Variants in ABHD6 observed in about 807,000 individuals in gnomAD.
ABHD6 encodes the protein monoacylglycerol lipase ABHD6.
A neutral mutation model predicts 38.8 loss-of-function variants in ABHD6; 33 were observed. The observed-to-expected ratio is 0.85, with a 90% CI of 0.64 to 1.14. ABHD6 has a LOEUF of 1.14. ABHD6 is among the 50% of genes most tolerant of loss of function. ABHD6 has a pLI of 0.00. For missense variants in ABHD6, 380 were observed against 422.6 expected (o/e 0.90, Z 0.88); for synonymous variants, 147 against 161.6 (o/e 0.91, Z 0.69).
chr3:58,280,671 G>A (rs540057762), intron 7 of ABHD6, among the ~76,000 whole-genome samples: 59 of 152,282 alleles, frequency 3.9e-4, no homozygotes, highest in Admixed American at 1.8e-3. Context: ...GAGAAGAGGC[G>A]CTCTGGTTTT....
At chr3:58,240,236 C>T (rs2097421834) in intron 1 of ABHD6, among the ~76,000 whole-genome samples, 1 of 151,844 alleles carries the variant, frequency 6.6e-6, no homozygotes, top group Admixed American at 6.6e-5. Context: ...ATGTCATATT[C>T]TTTAAAAAAA....
chr3:58,284,341 C>A (rs1240428501), intron 7 of ABHD6, among the ~76,000 whole-genome samples: 3 of 152,014 alleles, frequency 2.0e-5, no homozygotes, highest in East Asian at 1.9e-4. Context: ...TAGTTTATTT[C>A]TTTGTTGTTT....
At chr3:58,255,698 G>A (rs1452323511) in intron 2 of ABHD6, among the ~76,000 whole-genome samples, 2 of 151,900 alleles carry the variant, frequency 1.3e-5, no homozygotes, top group African/African-American at 4.8e-5. Flanking sequence ...AGGCTAGAGT[G>A]CAATGGCACA....
At chr3:58,279,027 G>C (rs982335938) in intron 7 of ABHD6, among the ~76,000 whole-genome samples, 3 of 152,132 alleles carry the variant, frequency 2.0e-5, no homozygotes, top group African/African-American at 7.2e-5. Flanking sequence ...CCAATTATGT[G>C]GTCAATTTTA....
At chr3:58,283,142 C>T (rs760888425) in intron 7 of ABHD6, among the ~76,000 whole-genome samples, 12 of 152,174 alleles carry the variant, frequency 7.9e-5, no homozygotes, top group Non-Finnish European at 1.3e-4. Flanking sequence ...TTAATAGATA[C>T]GGCCTGTCCC....
intron 9 of ABHD6, among the ~76,000 whole-genome samples, chr3:58,292,954 C>T (rs2097464304): frequency 6.6e-6 from 1 of 152,146 alleles, no homozygotes; most frequent in African/African-American, 2.4e-5. Context: ...GATAATTAGC[C>T]TTCCCCTCTT....
At chr3:58,272,646 G>T (rs1160721575) in intron 6 of ABHD6, among the ~76,000 whole-genome samples, 1 of 152,066 alleles carries the variant, frequency 6.6e-6, no homozygotes, top group South Asian at 2.1e-4. Context: ...AAGGTTTTTA[G>T]ATTTTAAATC....
At position 58,293,896 on chromosome 3, in the gene ABHD6, T is replaced by C. The variant is rs2097465350; in HGVS notation, c.*131T>C. On this transcript the variant is annotated 3_prime_UTR_variant, in exon 10 of 10. Transcript: ENST00000478253. This position sits in a 1 kb window ranked among gnomAD's most constrained non-coding sequence, Gnocchi z 4.4. ...CAGTGACCCTGAGGAAGCCCGTCCC[T>C]TATCCCTGGTATCCACGGTTCCCCA... The C allele has an allele frequency of 3.1e-6, 3 of 982,876 alleles. No homozygotes were observed. Among genetic ancestry groups the C allele is most frequent in the Middle Eastern group, 3.0e-4 (1 of 3,360 alleles). The allele number at this position is 982,876 out of a possible 1,614,324, so 60.9% of individuals were successfully genotyped here.
chr3:58,242,011 C>A (rs1287260035), intron 1 of ABHD6, among the ~76,000 whole-genome samples: 1 of 152,204 alleles, frequency 6.6e-6, no homozygotes, highest in Non-Finnish European at 1.5e-5. Context: ...CAAAACTGAA[C>A]TGTCAGGAGC....
rs563605256 is a variant in ABHD6 at position 58,251,408 on chromosome 3, G to A, written c.-26+1466G>A. ...ATGAGATTCTATGAAAGTGTTTTAC[G>A]TTGTTTATTCTTGGATTTTACTTTA... On this transcript the variant is annotated intron_variant, in intron 2 of 9. Transcript: ENST00000478253. This position sits in a 1 kb window ranked among gnomAD's most constrained non-coding sequence, Gnocchi z 5.4. Among the ~76,000 whole-genome samples the A allele has an allele frequency of 2.0e-5, 3 of 152,140 alleles. No homozygotes were observed. The highest frequency in any genetic ancestry group is 4.8e-5 in the African/African-American group (2 of 41,522).
chr3:58,256,646 C>A lies in ABHD6; in HGVS notation c.60C>A (p.Ile20=), dbSNP rs780519613. The A allele has an allele frequency of 6.2e-7, 1 of 1,613,864 alleles. No individual in the cohort carries two copies. The highest frequency in any genetic ancestry group is 8.5e-7 in the Non-Finnish European group (1 of 1,180,030). The change falls in exon 3 of 10, where the codon ATC becomes ATA. Residue 20 remains isoleucine, a synonymous_variant. Coordinates refer to ENST00000478253, the MANE Select transcript of ABHD6 (RefSeq NM_001320126.2). The surrounding 1 kb of genome is among the most constrained non-coding windows in gnomAD (Gnocchi z 4.3). ...CGGGCGGCACGCTGGCCATCCCAAT[C>A]CTGGCATTTGTGGCTTCATTTCTTC... is the stretch of plus-strand genomic sequence containing the variant. ...VIAGGTLAIP[I]LAFVASFLLW... is the part of the protein sequence containing the mutation.
chr3:58,243,625 A>G (rs1471821228), intron 1 of ABHD6, among the ~76,000 whole-genome samples: 2 of 151,814 alleles, frequency 1.3e-5, no homozygotes, highest in Non-Finnish European at 2.9e-5. Flanking sequence ...CTAGTATCTG[A>G]TTCTCCGCAG....
intron 3 of ABHD6, among the ~76,000 whole-genome samples, chr3:58,264,387 GCACACACACACACACA>G (rs61099164): frequency 0.11 from 14,093 of 132,092 alleles, 847 homozygotes; most frequent in African/African-American, 0.11. Flanking sequence ...TTATATAAAC[GCACACACACACACACA>G]CACACACACA....
intron 7 of ABHD6, among the ~76,000 whole-genome samples, chr3:58,276,144 C>A (rs984793907): frequency 1.4e-4 from 22 of 152,134 alleles, no homozygotes; most frequent in South Asian, 4.1e-4. Flanking sequence ...AATGGGATTG[C>A]TGGGTCAAAT....
intron 7 of ABHD6, among the ~76,000 whole-genome samples, chr3:58,281,495 G>A (rs1352349436): frequency 6.6e-6 from 1 of 152,192 alleles, no homozygotes; most frequent in Non-Finnish European, 1.5e-5. Flanking sequence ...TCCAGGTACA[G>A]TCTGTCATGG....
In ABHD6 at chr3:58,285,743, A is replaced by G. The variant is rs534612456; in HGVS notation, c.837+290A>G. Among the ~76,000 whole-genome samples, 17 of 152,362 alleles carry G rather than the reference A, an allele frequency of 1.1e-4. No individual in the cohort carries two copies. In the South Asian group the frequency reaches 3.3e-3, roughly 30 times the overall value. On this transcript the variant is annotated intron_variant, in intron 9 of 9. Transcript: ENST00000478253. The surrounding 1 kb of genome is among the most constrained non-coding windows in gnomAD (Gnocchi z 4.9). ...TATAAAAAGATCTTCAAAGAACACC[A>G]AAAGGTTTATAATGAAAACTTTTCT...
At chr3:58,247,440 A>G (rs544448706) in intron 1 of ABHD6, among the ~76,000 whole-genome samples, 79 of 152,214 alleles carry the variant, frequency 5.2e-4, no homozygotes, top group Non-Finnish European at 8.1e-4. Flanking sequence ...GTGCAGCTGA[A>G]GATTCGAATT....
intron 1 of ABHD6, among the ~76,000 whole-genome samples, chr3:58,248,602 G>C (rs1010940432): frequency 7.2e-5 from 11 of 152,234 alleles, no homozygotes; most frequent in Admixed American, 7.2e-4. Context: ...GGAGGCTGAG[G>C]CAGGAGAATC....
intron 7 of ABHD6, among the ~76,000 whole-genome samples, chr3:58,276,632 G>A (rs1231635778): frequency 9.2e-5 from 14 of 152,136 alleles, no homozygotes; most frequent in South Asian, 2.1e-4. Context: ...GATCCCATTC[G>A]TCTATTTTGG....
Sources: allele counts gnomAD v4.1 joint callset (sites outside exome capture counted in the v4.1 genomes callset), GRCh38; gene constraint gnomAD v4.1.1; non-coding constraint Gnocchi (gnomAD v3.1); transcripts MANE v1.5; gene names NCBI Gene and HGNC (gene_info 2026-07-23, HGNC 2026-07-21).